Variants in GRIK1 observed in about 807,000 individuals in gnomAD.
GRIK1 encodes the protein glutamate ionotropic receptor kainate type subunit 1.
In GRIK1, 69 loss-of-function variants were observed where a neutral mutation model predicts 105.7. The ratio of observed to expected loss-of-function variants is 0.65; its 90% CI spans 0.54 to 0.80. GRIK1 has a LOEUF of 0.80. Ranked by LOEUF, GRIK1 falls within the 30% of genes least tolerant of loss-of-function variation. The pLI is 0.00. For synonymous variants in GRIK1, 438 were observed against 431.3 expected (o/e 1.02, Z -0.19); for missense variants, 1,109 against 1,167.3 (o/e 0.95, Z 0.73).
chr21:29,811,893 C>G (rs181868892), intron 1 of GRIK1, among the ~76,000 whole-genome samples: 1 of 152,270 alleles, frequency 6.6e-6, no homozygotes, highest in Non-Finnish European at 1.5e-5. Flanking sequence ...TTCCTCCTTA[C>G]CTGGAAACCT....
chr21:29,557,390 T>C (rs147651214), intron 15 of GRIK1, among the ~76,000 whole-genome samples: 284 of 152,344 alleles, frequency 1.9e-3, no homozygotes, highest in Admixed American at 4.1e-3. Flanking sequence ...ACTGAAAGTA[T>C]GAGTGAAACT....
At chr21:29,730,610 T>A (rs962456390) in intron 1 of GRIK1, among the ~76,000 whole-genome samples, 2 of 152,218 alleles carry the variant, frequency 1.3e-5, no homozygotes, top group African/African-American at 4.8e-5. Context: ...CATAGCTGTT[T>A]CCTGGCTCTC....
At chr21:29,860,585 T>C (rs1279152854) in intron 1 of GRIK1, among the ~76,000 whole-genome samples, 9 of 152,214 alleles carry the variant, frequency 5.9e-5, no homozygotes, top group African/African-American at 2.2e-4. Flanking sequence ...TATGTAGGAT[T>C]TGTGACCTTT....
chr21:29,886,541 C>A lies in GRIK1; in HGVS notation c.118+52842G>T, dbSNP rs560347334. The stretch of plus-strand genomic sequence containing the variant: ...TCACTTGTTTTCTATTGAATGACTT[C>A]TATTCTATGTACAAGACACTGTAGG... On this transcript the variant is annotated intron_variant, in intron 1 of 17. Transcript: ENST00000327783. Among the ~76,000 whole-genome samples the A allele has an allele frequency of 9.9e-5, 15 of 152,100 alleles. No individual in the cohort carries two copies. In the South Asian group the frequency reaches 2.9e-3, roughly 29 times the overall value.
rs1171767047 is a variant in GRIK1, at chr21:29,587,546, C to T, written c.1613G>A (p.Arg538Gln). Residue 538 changes from arginine to glutamine, a missense_variant, in exon 12 of 18, where the codon CGG (arginine) becomes CAG (glutamine). Physicochemically the swap from Arg to Gln is conservative, Grantham distance 43. Coordinates refer to ENST00000327783, the MANE Select transcript of GRIK1 (RefSeq NM_001330994.2). ...TTTGGAGAAGTCAATGACTTTCTCC[C>T]GCACGTAGGTGATGGTAAGAGGAGC... ...AVAPLTITYV[R>Q]EKVIDFSKPF... is the part of the protein sequence containing the mutation. 4 of 1,613,474 alleles carry T rather than the reference C, an allele frequency of 2.5e-6. No individual in the cohort carries two copies. The highest frequency in any genetic ancestry group is 1.3e-5 in the African/African-American group (1 of 74,898).
At chr21:29,630,991 A>G (rs994007588) in intron 7 of GRIK1, among the ~76,000 whole-genome samples, 5 of 151,706 alleles carry the variant, frequency 3.3e-5, no homozygotes, top group African/African-American at 9.7e-5. Flanking sequence ...TATTTTTTGT[A>G]GAGAGGGGGT....
At chr21:29,821,209 T>C (rs922348268) in intron 1 of GRIK1, among the ~76,000 whole-genome samples, 8 of 152,026 alleles carry the variant, frequency 5.3e-5, no homozygotes, top group Non-Finnish European at 2.9e-5. Context: ...ATTCTTTCAA[T>C]AAAGTAAGCC....
At position 29,803,569 on chromosome 21, in the gene GRIK1, G is replaced by T. The variant is rs867669078; in HGVS notation, c.119-109506C>A. 6.6e-5 allele frequency among the ~76,000 whole-genome samples: 10 copies of T among 151,968 alleles called. 1 individual carries two copies. Among genetic ancestry groups the T allele is most frequent in the South Asian group, 2.1e-4 (1 of 4,816 alleles). ...GGTATAAGCTGGTGAGAGAAACCCT[G>T]GTGGCTCTTCTTTATAGCAGGGCTT... On this transcript the variant is annotated intron_variant, in intron 1 of 17. Transcript: ENST00000327783.
intron 1 of GRIK1, among the ~76,000 whole-genome samples, chr21:29,839,705 A>G (rs2067921348): frequency 6.6e-6 from 1 of 152,128 alleles, no homozygotes; most frequent in Admixed American, 6.5e-5. Context: ...CCATATCTGG[A>G]GTAAGACAAT....
At chr21:29,677,988 G>A (rs575954239) in intron 3 of GRIK1, among the ~76,000 whole-genome samples, 67 of 152,182 alleles carry the variant, frequency 4.4e-4, no homozygotes, top group African/African-American at 1.6e-3. Flanking sequence ...AATGAGTCTC[G>A]GTTCAAAAGA....
chr21:29,590,767 C>T (rs912965386), intron 10 of GRIK1, among the ~76,000 whole-genome samples: 13 of 151,936 alleles, frequency 8.6e-5, no homozygotes, highest in African/African-American at 3.1e-4. Flanking sequence ...TCTCTTGCCT[C>T]TCTTCCCCCA....
chr21:29,716,010 C>G (rs1458926027), intron 1 of GRIK1, among the ~76,000 whole-genome samples: 1 of 151,896 alleles, frequency 6.6e-6, no homozygotes, highest in South Asian at 2.1e-4. Flanking sequence ...GGGTGGTTAC[C>G]CCTAAGCTGT....
At chr21:29,745,571 C>A (rs2065029632) in intron 1 of GRIK1, among the ~76,000 whole-genome samples, 1 of 152,186 alleles carries the variant, frequency 6.6e-6, no homozygotes, top group Non-Finnish European at 1.5e-5. Context: ...GGGTTAAAAT[C>A]CAGGGCCTCT....
chr21:29,705,123 C>A (rs1180214955), intron 1 of GRIK1, among the ~76,000 whole-genome samples: 4 of 152,160 alleles, frequency 2.6e-5, no homozygotes, highest in African/African-American at 7.2e-5. Context: ...TTCTAGTTTT[C>A]TTCTTCTGTA....
intron 1 of GRIK1, among the ~76,000 whole-genome samples, chr21:29,834,868 A>T: frequency 6.6e-6 from 1 of 150,756 alleles, no homozygotes; most frequent in East Asian, 1.9e-4. Flanking sequence ...TATTTTATTT[A>T]TTCAATATTA....
At chr21:29,820,516 A>G (rs2067271991) in intron 1 of GRIK1, among the ~76,000 whole-genome samples, 1 of 152,032 alleles carries the variant, frequency 6.6e-6, no homozygotes, top group East Asian at 1.9e-4. Context: ...TGGGGAGGAA[A>G]AAAGAGTACA....
At chr21:29,786,397 T>C (rs550255848) in intron 1 of GRIK1, among the ~76,000 whole-genome samples, 6 of 152,218 alleles carry the variant, frequency 3.9e-5, no homozygotes, top group Non-Finnish European at 8.8e-5. Flanking sequence ...GAAGCCCTTT[T>C]TCCAAATAAG....
chr21:29,756,790 A>T (rs1015834473), intron 1 of GRIK1, among the ~76,000 whole-genome samples: 13 of 152,206 alleles, frequency 8.5e-5, no homozygotes, highest in African/African-American at 1.9e-4. Context: ...AAATTCTATC[A>T]TATTTGTTCG....
chr21:29,880,991 C>G (rs2146182018), intron 1 of GRIK1, among the ~76,000 whole-genome samples: 1 of 152,200 alleles, frequency 6.6e-6, no homozygotes, highest in East Asian at 1.9e-4. Flanking sequence ...CTGAACAACA[C>G]CAATGTAATT....
Sources: allele counts gnomAD v4.1 joint callset (sites outside exome capture counted in the v4.1 genomes callset), GRCh38; gene constraint gnomAD v4.1.1; transcripts MANE v1.5; gene names NCBI Gene and HGNC (gene_info 2026-07-23, HGNC 2026-07-21).